Variants in ABCC9 observed in about 807,000 individuals in gnomAD.
ABCC9 encodes the protein ATP-binding cassette sub-family C member 9.
Under a neutral mutation model 188.3 loss-of-function variants are expected in ABCC9, and 95 were observed. That is an observed-to-expected ratio of 0.50 (90% CI 0.43 to 0.60). The LOEUF is 0.60. Among genes scored for constraint, ABCC9 ranks in the 20% least tolerant of loss-of-function variants. The probability of loss-of-function intolerance (pLI) is 0.00; values close to 1 mark genes in which losing one functional copy is unlikely to be tolerated. For synonymous variants in ABCC9, 659 were observed against 652.7 expected (o/e 1.01, Z -0.15); for missense variants, 1,102 against 1,876.3 (o/e 0.59, Z 7.62).
chr12:21,894,756 A>T (rs1322031436), intron 13 of ABCC9, among the ~76,000 whole-genome samples: 1 of 152,172 alleles, frequency 6.6e-6, no homozygotes, highest in South Asian at 2.1e-4. Context: ...GACTACAGGC[A>T]TGCGCCATCA....
intron 35 of ABCC9, among the ~76,000 whole-genome samples, chr12:21,813,415 T>A (rs1942392438): frequency 6.6e-6 from 1 of 152,170 alleles, no homozygotes; most frequent in South Asian, 2.1e-4. Flanking sequence ...CAAGGGTGAT[T>A]AGCTTAACCT....
intron 12 of ABCC9, 139 bp from the exon 13 acceptor site, chr12:21,895,454 A>G: frequency 1.4e-6 from 1 of 728,258 alleles, no homozygotes; most frequent in Non-Finnish European, 2.4e-6. Context: ...TCTGGAGTCC[A>G]CAAACATTTA....
At position 21,844,656 on chromosome 12, in the gene ABCC9, C is replaced by A; in HGVS notation, c.3246-104G>T. Reference sequence around the variant, plus strand: ...TCATGAAAATGAGAAGCTCCCTATTCATTTGCTCAAGGACTAAAGAAATTC... The same window carrying A: ...TCATGAAAATGAGAAGCTCCCTATTAATTTGCTCAAGGACTAAAGAAATTC... On this transcript the variant is annotated intron_variant, in intron 27 of 39. Transcript: ENST00000261200. 2.6e-6 allele frequency: 4 copies of A among 1,559,540 alleles called. No individual in the cohort carries two copies. The South Asian group carries it at 4.5e-5, about 17-fold the overall frequency.
At chr12:21,816,061 T>G (rs1294198431) in intron 33 of ABCC9, among the ~76,000 whole-genome samples, 168 bp from the exon 34 acceptor site, 1 of 127,142 alleles carries the variant, frequency 7.9e-6, no homozygotes. Flanking sequence ...TTTTTTTTTT[T>G]TTTTTTTTTT....
At chr12:21,881,707 A>AACACACAC (rs3062604) in intron 16 of ABCC9, among the ~76,000 whole-genome samples, 189 of 148,258 alleles carry the variant, frequency 1.3e-3, no homozygotes, top group Middle Eastern at 3.5e-3. Flanking sequence ...CCTAGGGAAC[A>AACACACAC]ACACACACAC....
At chr12:21,825,795 A>T (rs957819042) in intron 31 of ABCC9, among the ~76,000 whole-genome samples, 10 of 151,670 alleles carry the variant, frequency 6.6e-5, no homozygotes, top group African/African-American at 2.4e-4. Context: ...AGTATAATTT[A>T]AAAAAAAAGA....
chr12:21,906,186 C>T lies in ABCC9; in HGVS notation c.1558G>A (p.Glu520Lys). The change falls in exon 12 of 40, where the codon GAA (glutamate) becomes AAA (lysine). Residue 520 changes from glutamate to lysine, a missense_variant. Glu to Lys is a moderately conservative substitution (Grantham distance 56). Around this residue, in one of 12 missense-constraint regions of ABCC9, gnomAD observed 258 missense variants for 325.6 expected, o/e 0.79. Coordinates refer to ENST00000261200, the MANE Select transcript of ABCC9 (RefSeq NM_020297.4). Reference sequence around the variant, plus strand: ...CTAGATAGTTCTTTCATTCTTGTTTCCTCCACACTTTTGCAGAAAATGTGT... The same window carrying T: ...CTAGATAGTTCTTTCATTCTTGTTTTCTCCACACTTTTGCAGAAAATGTGT... The part of the protein sequence containing the change: ...WEHIFCKSVE[E>K]TRMKELSSLK... 6.2e-7 allele frequency: 1 copy of T among 1,613,200 alleles called. No homozygotes were observed. The highest frequency in any genetic ancestry group is 8.5e-7 in the Non-Finnish European group (1 of 1,179,396).
At chr12:21,930,431 G>A (rs186785424) in intron 4 of ABCC9, among the ~76,000 whole-genome samples, 1 of 152,032 alleles carries the variant, frequency 6.6e-6, no homozygotes, top group Admixed American at 6.6e-5. Flanking sequence ...TTTCAAAAAA[G>A]CAGACCTCTG....
At chr12:21,881,161 A>G (rs1946597553) in intron 16 of ABCC9, among the ~76,000 whole-genome samples, 1 of 152,208 alleles carries the variant, frequency 6.6e-6, no homozygotes, top group South Asian at 2.1e-4. Flanking sequence ...GGTGGCAATT[A>G]TATCTCAGGG....
intron 11 of ABCC9, among the ~76,000 whole-genome samples, chr12:21,907,830 G>A (rs938467739): frequency 2.6e-5 from 4 of 151,920 alleles, no homozygotes; most frequent in African/African-American, 9.7e-5. Flanking sequence ...ATCACCTCAT[G>A]GTACTTTAAA....
At chr12:21,903,302 G>C (rs1056440943) in intron 12 of ABCC9, among the ~76,000 whole-genome samples, 2 of 152,092 alleles carry the variant, frequency 1.3e-5, no homozygotes, top group African/African-American at 4.8e-5. Flanking sequence ...AGCTATTTAT[G>C]ACAAACCCAC....
chr12:21,805,123 C>G, intron 39 of ABCC9: 2 of 1,612,704 alleles, frequency 1.2e-6, no homozygotes, highest in Non-Finnish European at 1.7e-6. Context: ...GAGGATACTG[C>G]TAAGATAACT....
At position 21,800,559 on chromosome 12, in the gene ABCC9, T is replaced by C. The variant is rs1941380241; in HGVS notation, c.*485A>G. On this transcript the variant is annotated 3_prime_UTR_variant, in exon 40 of 40. Coordinates refer to ENST00000261200, the MANE Select transcript of ABCC9 (RefSeq NM_020297.4). ...AATAGGTATTACTAATGTTAATGAA[T>C]ACAAATAAATTCTCATGAAGTAGAT... 6.3e-6 allele frequency: 1 copy of C among 159,424 alleles called. No individual in the cohort carries two copies. The highest frequency in any genetic ancestry group is 1.8e-4 in the South Asian group (1 of 5,456). 9.9% of individuals were successfully genotyped at this position (159,424 alleles called of 1,614,324 possible).
intron 12 of ABCC9, among the ~76,000 whole-genome samples, chr12:21,900,901 C>T (rs1947711809): frequency 6.6e-6 from 1 of 152,124 alleles, no homozygotes; most frequent in Non-Finnish European, 1.5e-5. Context: ...TCCAGGAGGA[C>T]CTCCCCAACC....
chr12:21,818,083 C>T (rs1276968941), intron 32 of ABCC9, 67 bp downstream of exon 32: 3 of 996,584 alleles, frequency 3.0e-6, no homozygotes, highest in Non-Finnish European at 4.4e-6. Context: ...ACATTCAATT[C>T]CCATTTATGA....
chr12:21,898,370 G>A (rs1947530908), intron 12 of ABCC9, among the ~76,000 whole-genome samples: 1 of 152,038 alleles, frequency 6.6e-6, no homozygotes, highest in Non-Finnish European at 1.5e-5. Context: ...TGTATTGAAG[G>A]GGTCACCAAC....
rs1169244135 is a variant in ABCC9 at position 21,799,949 on chromosome 12, A to G, written c.*1095T>C. 6.6e-6 allele frequency: 1 copy of G among 152,184 alleles called. No individual in the cohort carries two copies. Among genetic ancestry groups the G allele is most frequent in the African/African-American group, 2.4e-5 (1 of 41,446 alleles). 9.4% of individuals were successfully genotyped at this position (152,184 alleles called of 1,614,324 possible). ...ACATGCTCATTAAAATTACAATAAC[A>G]TTTTTGGTATATTTTTTGTATGCAC... On this transcript the variant is annotated 3_prime_UTR_variant, in exon 40 of 40. Coordinates refer to ENST00000261200, the MANE Select transcript of ABCC9 (RefSeq NM_020297.4).
intron 7 of ABCC9, 45 bp from the exon 8 acceptor site, chr12:21,913,111 A>C (rs1206307039): frequency 2.6e-6 from 4 of 1,532,186 alleles, no homozygotes; most frequent in East Asian, 4.5e-5. Flanking sequence ...AACAAAATAA[A>C]ACTGCTTAGA....
intron 5 of ABCC9, among the ~76,000 whole-genome samples, chr12:21,920,939 C>A (rs1948793035): frequency 6.6e-6 from 1 of 151,932 alleles, no homozygotes; most frequent in South Asian, 2.1e-4. Context: ...CATTGTGGTA[C>A]ATGTATCACA....
Sources: allele counts gnomAD v4.1 joint callset (sites outside exome capture counted in the v4.1 genomes callset), GRCh38; gene constraint gnomAD v4.1.1; regional missense constraint gnomAD v4.1.1; transcripts MANE v1.5; gene names NCBI Gene and HGNC (gene_info 2026-07-23, HGNC 2026-07-21).